The following AGBL1 variants were observed in gnomAD, a reference collection of about 807,000 sequenced individuals.
AGBL1 encodes the protein cytosolic carboxypeptidase 4.
AGBL1 carries 130 observed loss-of-function variants against 118.9 expected under a neutral mutation model. That is an observed-to-expected ratio of 1.09 (90% CI 0.95 to 1.26). The LOEUF is 1.26. AGBL1 is among the 50% of genes most tolerant of loss of function. AGBL1 has a pLI of 0.00. For missense variants in AGBL1, 1,584 were observed against 1,298.1 expected (o/e 1.22, Z -3.38); for synonymous variants, 555 against 478.9 (o/e 1.16, Z -2.08).
chr15:86,164,074 A>G (rs2077304141), intron 5 of AGBL1, among the ~76,000 whole-genome samples: 1 of 152,260 alleles, frequency 6.6e-6, no homozygotes, highest in Non-Finnish European at 1.5e-5. Context: ...ACTGGAGGGA[A>G]GAAAAAAGTT....
chr15:86,477,799 A>G (rs890753772), intron 18 of AGBL1, among the ~76,000 whole-genome samples: 5 of 152,208 alleles, frequency 3.3e-5, no homozygotes, highest in Non-Finnish European at 7.3e-5. Flanking sequence ...TTTTAGATCA[A>G]TATCCCTGAT....
At chr15:86,356,384 G>A (rs2141911387) in intron 17 of AGBL1, among the ~76,000 whole-genome samples, 1 of 152,158 alleles carries the variant, frequency 6.6e-6, no homozygotes, top group East Asian at 1.9e-4. Flanking sequence ...ACGCGCATGT[G>A]TCAGAGAATA....
chr15:86,644,556 A>G lies in AGBL1; in HGVS notation c.2995-29717A>G, dbSNP rs1391327239. 2.0e-5 allele frequency among the ~76,000 whole-genome samples: 3 copies of G among 151,282 alleles called. No individual in the cohort carries two copies. In the East Asian group the frequency reaches 5.8e-4, roughly 29 times the overall value. ...GTTTTGTTTGTTTTTGTAATGTCTCATGTCTGGCATCTTTCATTCAACATT... is the reference window on the plus strand; with the variant it reads ...GTTTTGTTTGTTTTTGTAATGTCTCGTGTCTGGCATCTTTCATTCAACATT... On this transcript the variant is annotated intron_variant, in intron 21 of 22. Coordinates refer to ENST00000614907, the MANE Select transcript of AGBL1 (RefSeq NM_001386094.1).
At chr15:86,725,411 G>C (rs1313762594) in intron 22 of AGBL1, among the ~76,000 whole-genome samples, 1 of 152,102 alleles carries the variant, frequency 6.6e-6, no homozygotes, top group Non-Finnish European at 1.5e-5. Context: ...TGGTTTAAAG[G>C]TAAGTAATTA....
intron 22 of AGBL1, among the ~76,000 whole-genome samples, chr15:86,691,192 C>T (rs1234946682): frequency 1.3e-5 from 2 of 151,974 alleles, no homozygotes; most frequent in African/African-American, 4.8e-5. Flanking sequence ...CTGACAGCTC[C>T]TTATAAGGCA....
intron 20 of AGBL1, among the ~76,000 whole-genome samples, chr15:86,551,776 T>C (rs2083666314): frequency 6.6e-6 from 1 of 152,124 alleles, no homozygotes; most frequent in African/African-American, 2.4e-5. Context: ...CCAATATTTG[T>C]TATAAACAGA....
At chr15:86,436,155 A>G (rs1052523765) in intron 18 of AGBL1, among the ~76,000 whole-genome samples, 3 of 135,292 alleles carry the variant, frequency 2.2e-5, no homozygotes, top group Admixed American at 1.6e-4. Flanking sequence ...TTGCATGCAT[A>G]TAGAAAATTA....
chr15:86,761,112 C>T (rs576019763), intron 22 of AGBL1, among the ~76,000 whole-genome samples: 2 of 152,154 alleles, frequency 1.3e-5, no homozygotes, highest in East Asian at 3.9e-4. Context: ...TAGACAAGTA[C>T]CCCAGGTTTT....
At chr15:86,332,892 C>G (rs995918391) in intron 17 of AGBL1, among the ~76,000 whole-genome samples, 1 of 152,238 alleles carries the variant, frequency 6.6e-6, no homozygotes. Context: ...TCTGCTCTCT[C>G]AAAAACCACA....
intron 6 of AGBL1, among the ~76,000 whole-genome samples, chr15:86,235,133 AT>A (rs1332929973): frequency 1.2e-4 from 19 of 152,298 alleles, no homozygotes; most frequent in East Asian, 1.9e-4. Context: ...GCTGTGGGCA[AT>A]TTGCTGACCC....
At chr15:86,137,867 G>T (rs904357183) in intron 1 of AGBL1, among the ~76,000 whole-genome samples, 1 of 152,170 alleles carries the variant, frequency 6.6e-6, no homozygotes, top group Non-Finnish European at 1.5e-5. Flanking sequence ...TGCAGCATAT[G>T]ATGTTGGCCA....
intron 21 of AGBL1, among the ~76,000 whole-genome samples, chr15:86,619,670 G>A (rs753447388): frequency 4.6e-5 from 7 of 152,014 alleles, no homozygotes; most frequent in Admixed American, 6.6e-5. Flanking sequence ...GATTCCCAGC[G>A]CCTGGGCCAC....
At chr15:86,465,138 T>C (rs555824052) in intron 18 of AGBL1, among the ~76,000 whole-genome samples, 1 of 152,332 alleles carries the variant, frequency 6.6e-6, no homozygotes, top group South Asian at 2.1e-4. Flanking sequence ...CAAGATTTCA[T>C]GGACATTTGT....
At chr15:86,144,593 A>AG (rs1421859237) in intron 3 of AGBL1, among the ~76,000 whole-genome samples, 1 of 152,198 alleles carries the variant, frequency 6.6e-6, no homozygotes, top group African/African-American at 2.4e-5. Flanking sequence ...GCTGTCACTT[A>AG]CAAGTGGGAG....
chr15:86,665,550 G>C (rs138141253), intron 21 of AGBL1, among the ~76,000 whole-genome samples: 8 of 152,036 alleles, frequency 5.3e-5, no homozygotes, highest in Non-Finnish European at 1.0e-4. Flanking sequence ...TGTTTATTTT[G>C]TTGTTTCCAT....
chr15:86,497,110 T>G (rs553871055), intron 18 of AGBL1, among the ~76,000 whole-genome samples: 100 of 152,180 alleles, frequency 6.6e-4, no homozygotes, highest in African/African-American at 2.3e-3. Context: ...ACACTCTTTC[T>G]CATCTTCTGT....
At chr15:86,085,939 C>T (rs1240252179) in intron 1 of AGBL1, among the ~76,000 whole-genome samples, 1 of 152,220 alleles carries the variant, frequency 6.6e-6, no homozygotes, top group Non-Finnish European at 1.5e-5. Flanking sequence ...GCATTTCCAT[C>T]TTCTGAGCCC....
intron 22 of AGBL1, among the ~76,000 whole-genome samples, chr15:86,811,038 G>A (rs1036609551): frequency 6.6e-6 from 1 of 152,180 alleles, no homozygotes; most frequent in Non-Finnish European, 1.5e-5. Context: ...ATCAAGGAAG[G>A]TTATTAGAGA....
intron 18 of AGBL1, among the ~76,000 whole-genome samples, chr15:86,413,821 G>A (rs932550664): frequency 7.2e-5 from 11 of 152,018 alleles, no homozygotes; most frequent in Non-Finnish European, 8.8e-5. Flanking sequence ...CATTCTGCAC[G>A]TTGTCTGTCC....
Sources: gnomAD v4.1 joint callset for allele counts (sites outside exome capture counted in the v4.1 genomes callset) on GRCh38, gnomAD v4.1.1 for gene constraint, MANE v1.5 for transcripts, NCBI Gene and HGNC (gene_info 2026-07-23, HGNC 2026-07-21) for gene names.